RAB11FIP3: variants seen among roughly 807,000 people sequenced by gnomAD.
RAB11FIP3 encodes rab11 family-interacting protein 3.
Under a neutral mutation model 77.8 loss-of-function variants are expected in RAB11FIP3, and 17 were observed. The observed-to-expected ratio is 0.22, with a 90% confidence interval of 0.15 to 0.33. The LOEUF (loss-of-function observed/expected upper bound fraction) is 0.33, where lower values mean the gene tolerates loss of function less well. Ranked by LOEUF, RAB11FIP3 falls within the 10% of genes least tolerant of loss-of-function variation. The pLI, the probability that RAB11FIP3 is intolerant of heterozygous loss-of-function variation, is 1.00. For missense variants in RAB11FIP3, 1,005 were observed against 1,011.2 expected (o/e 0.99, Z 0.08); for synonymous variants, 437 against 448.2 (o/e 0.98, Z 0.31).
intron 3 of RAB11FIP3, among the ~76,000 whole-genome samples, chr16:477,406 G>A (rs1332384884): frequency 3.3e-5 from 5 of 152,240 alleles, no homozygotes; most frequent in Admixed American, 3.3e-4. Flanking sequence ...GCCCCTGTGA[G>A]TGTGCAATCC....
intron 1 of RAB11FIP3, among the ~76,000 whole-genome samples, chr16:440,317 G>A (rs2055204127): frequency 6.6e-6 from 1 of 151,938 alleles, no homozygotes; most frequent in African/African-American, 2.4e-5. Flanking sequence ...TTTTAGTAGA[G>A]ATGGGGTTTC....
chr16:512,024 C>CT (rs2032202143), intron 9 of RAB11FIP3, among the ~76,000 whole-genome samples: 1 of 145,896 alleles, frequency 6.9e-6, no homozygotes, highest in African/African-American at 2.5e-5. Context: ...GGAGAGGTTC[C>CT]GACAGCCCGC....
intron 1 of RAB11FIP3, among the ~76,000 whole-genome samples, chr16:443,806 C>T (rs1457048466): frequency 3.3e-5 from 5 of 152,196 alleles, no homozygotes; most frequent in South Asian, 2.1e-4. Flanking sequence ...CCTTGTGATC[C>T]GCCCGCCTTG....
At chr16:491,621 G>A (rs1038057380) in intron 5 of RAB11FIP3, among the ~76,000 whole-genome samples, 1 of 152,242 alleles carries the variant, frequency 6.6e-6, no homozygotes, top group South Asian at 2.1e-4. Flanking sequence ...TAGTCTTTAA[G>A]AACAGATATG....
chr16:456,316 G>A (rs574849097), intron 1 of RAB11FIP3, among the ~76,000 whole-genome samples: 18 of 151,978 alleles, frequency 1.2e-4, no homozygotes, highest in African/African-American at 2.2e-4. Context: ...CGGGTGTGGC[G>A]GCACACACAG....
At chr16:467,215 C>A (rs1325577468) in intron 2 of RAB11FIP3, among the ~76,000 whole-genome samples, 1 of 152,180 alleles carries the variant, frequency 6.6e-6, no homozygotes, top group Non-Finnish European at 1.5e-5. Context: ...AGCAGGGCTG[C>A]ACCTGGCATG....
At chr16:493,793 C>T (rs12929892) in intron 5 of RAB11FIP3, among the ~76,000 whole-genome samples, 2 of 144,914 alleles carry the variant, frequency 1.4e-5, no homozygotes, top group African/African-American at 5.2e-5. Context: ...TTTTAGTAGA[C>T]ACGGGGTTTC....
At position 505,452 on chromosome 16, in the gene RAB11FIP3, G is replaced by T; in HGVS notation, c.1396-72G>T. On this transcript the variant is annotated intron_variant, in intron 7 of 13. Coordinates refer to ENST00000262305, the MANE Select transcript of RAB11FIP3 (RefSeq NM_014700.4). The surrounding 1 kb of genome is among the most constrained non-coding windows in gnomAD (Gnocchi z 4.0). Reference sequence around the variant, plus strand: ...GAGAAAATCCCCAGGCGGCCTCCCAGGTTGTTCCCTTGGGGGTGCAGGCCC... The same window carrying T: ...GAGAAAATCCCCAGGCGGCCTCCCATGTTGTTCCCTTGGGGGTGCAGGCCC... The T allele has an allele frequency of 7.9e-7, 1 of 1,258,014 alleles. No homozygotes were observed. Among genetic ancestry groups the T allele is most frequent in the Non-Finnish European group, 1.1e-6 (1 of 903,242 alleles). The allele number at this position is 1,258,014 out of a possible 1,614,324, so 77.9% of individuals were successfully genotyped here. A position where few individuals can be genotyped will look rare whatever the true frequency, so the allele number is the denominator to read the frequency against.
intron 9 of RAB11FIP3, among the ~76,000 whole-genome samples, chr16:516,615 G>A (rs749100609): frequency 5.9e-5 from 9 of 152,234 alleles, no homozygotes; most frequent in Middle Eastern, 3.4e-3. Flanking sequence ...GGTGGCTCAC[G>A]CCTGTAACCC....
chr16:513,365 G>A (rs750130632), intron 9 of RAB11FIP3, among the ~76,000 whole-genome samples: 12 of 151,974 alleles, frequency 7.9e-5, no homozygotes, highest in African/African-American at 2.9e-4. Context: ...GGCTCCAAGT[G>A]TGCTCTATCA....
At chr16:490,515 T>C (rs7194320) in intron 5 of RAB11FIP3, among the ~76,000 whole-genome samples, 14,511 of 152,204 alleles carry the variant, frequency 0.095, 748 homozygotes, top group East Asian at 0.2. Flanking sequence ...AATTTTGTAT[T>C]TTTTGTAGAG....
chr16:457,724 G>A (rs537531382), intron 1 of RAB11FIP3, among the ~76,000 whole-genome samples: 41 of 152,232 alleles, frequency 2.7e-4, no homozygotes, highest in African/African-American at 8.9e-4. Context: ...TTAATGATTT[G>A]TTTAAAAAAT....
chr16:491,112 A>G, intron 5 of RAB11FIP3: 1 of 1,289,352 alleles, frequency 7.8e-7, no homozygotes, highest in Non-Finnish European at 1.0e-6. Context: ...CCTCTCCTGA[A>G]CGGATGCTTC....
At chr16:482,475 A>G (rs2056063863) in intron 3 of RAB11FIP3, 50 bp from the exon 4 acceptor site, 1 of 1,566,026 alleles carries the variant, frequency 6.4e-7, no homozygotes, top group Admixed American at 1.7e-5. Flanking sequence ...GGGCGTTCGC[A>G]GTTCCCCTCC....
rs191550361 is a variant in RAB11FIP3 at position 449,279 on chromosome 16, G to A, written c.715-12125G>A. ...GTGTCTCACAGCGCTGTCACCAGGC[G>A]GGACAGAGTGTCGGGCTCATTCAGG... is the stretch of plus-strand genomic sequence containing the variant. On this transcript the variant is annotated intron_variant, in intron 1 of 13. Coordinates refer to ENST00000262305, the MANE Select transcript of RAB11FIP3 (RefSeq NM_014700.4). Among the ~76,000 whole-genome samples the A allele has an allele frequency of 1.0e-3, 154 of 152,224 alleles. 1 individual carries two copies. Among genetic ancestry groups the A allele is most frequent in the Non-Finnish European group, 1.1e-3 (75 of 68,010 alleles).
At chr16:487,675 G>C (rs967582709) in intron 4 of RAB11FIP3, among the ~76,000 whole-genome samples, 3 of 152,088 alleles carry the variant, frequency 2.0e-5, no homozygotes, top group Admixed American at 6.5e-5. Flanking sequence ...GTTCTCCCGA[G>C]GACTCCTGCG....
At chr16:496,737 G>A (rs558981109) in intron 5 of RAB11FIP3, 87 bp from the exon 6 acceptor site, 7 of 1,346,604 alleles carry the variant, frequency 5.2e-6, no homozygotes, top group Non-Finnish European at 6.2e-6. Context: ...CGCCCACCTC[G>A]TATCTCCACA....
At chr16:499,571 G>A (rs779627948) in intron 6 of RAB11FIP3, among the ~76,000 whole-genome samples, 5 of 152,296 alleles carry the variant, frequency 3.3e-5, no homozygotes, top group Non-Finnish European at 5.9e-5. Context: ...GCCAAGGTGG[G>A]TGGATCACGA....
intron 7 of RAB11FIP3, 109 bp downstream of exon 7, chr16:503,206 A>T: frequency 1.2e-6 from 1 of 809,750 alleles, no homozygotes; most frequent in Non-Finnish European, 1.9e-6. Context: ...GCCGGAGGTG[A>T]CCCCATGTCC....
Sources: gnomAD v4.1 joint callset for allele counts (sites outside exome capture counted in the v4.1 genomes callset) on GRCh38, gnomAD v4.1.1 for gene constraint, Gnocchi (gnomAD v3.1) non-coding constraint, MANE v1.5 for transcripts, NCBI Gene and HGNC (gene_info 2026-07-23, HGNC 2026-07-21) for gene names.